The following C1orf105 variants were observed in gnomAD, a reference collection of about 807,000 sequenced individuals.
C1orf105 encodes the protein uncharacterized protein C1orf105.
Under a neutral mutation model 20.8 loss-of-function variants are expected in C1orf105, and 17 were observed. The observed-to-expected ratio is 0.82, with a 90% CI of 0.56 to 1.23. The LOEUF (loss-of-function observed/expected upper bound fraction) is 1.23, where lower values mean the gene tolerates loss of function less well. Among genes scored for constraint, C1orf105 ranks in the 50% most tolerant of loss-of-function variants. The pLI is 0.00. For missense variants in C1orf105, 219 were observed against 213.5 expected, an observed-to-expected ratio of 1.03 and a Z score of -0.16; for synonymous variants, 72 against 72.1, an observed-to-expected ratio of 1.00 and a Z score of 0.01.
chr1:172,453,516 G>C (rs763267428), intron 3 of C1orf105, among the ~76,000 whole-genome samples: 1 of 152,070 alleles, frequency 6.6e-6, no homozygotes. Flanking sequence ...TGTATTTTTC[G>C]TTTTATATAT....
chr1:172,449,609 C>T (rs909133243), intron 3 of C1orf105, among the ~76,000 whole-genome samples: 9 of 152,118 alleles, frequency 5.9e-5, no homozygotes, highest in African/African-American at 1.9e-4. Context: ...AACAAGGACG[C>T]GGCTGGGCCC....
chr1:172,462,751 GTGTTT>G (rs1224762140), intron 5 of C1orf105, among the ~76,000 whole-genome samples: 5 of 151,816 alleles, frequency 3.3e-5, no homozygotes, highest in African/African-American at 1.2e-4. Context: ...GTTTTTTTGT[GTGTTT>G]TGTTTTGTTT....
At chr1:172,442,309 C>T in intron 1 of C1orf105, 1 of 1,613,548 alleles carries the variant, frequency 6.2e-7, no homozygotes, top group Non-Finnish European at 8.5e-7. Flanking sequence ...CCCTTCACCT[C>T]CATCAATGAG....
At position 172,468,564 on chromosome 1, in the gene C1orf105, G is replaced by A; in HGVS notation, c.522G>A (p.Lys174=). 6.2e-7 allele frequency: 1 copy of A among 1,613,786 alleles called. No homozygotes were observed. Among genetic ancestry groups the A allele is most frequent in the Non-Finnish European group, 8.5e-7 (1 of 1,179,782 alleles). ...GACAACGTTCTTCCTTGCCCAGAAAGGAACCAATAGGCAAGACAACGAGGC... is the reference window on the plus strand; with the variant it reads ...GACAACGTTCTTCCTTGCCCAGAAAAGAACCAATAGGCAAGACAACGAGGC... ...KERQRSSLPR[K]EPIGKTTRQ is the part of the protein sequence containing the mutation. The change falls in exon 7 of 7, where the codon AAG becomes AAA. Residue 174 remains lysine (K), a synonymous_variant. Coordinates refer to ENST00000367727, the MANE Select transcript of C1orf105 (RefSeq NM_139240.4).
chr1:172,452,029 C>A (rs1036820072), intron 3 of C1orf105, among the ~76,000 whole-genome samples: 1 of 151,876 alleles, frequency 6.6e-6, no homozygotes, highest in African/African-American at 2.4e-5. Flanking sequence ...CATGCCACCA[C>A]GCCTGGCTAA....
rs558737666 is a variant in C1orf105 at position 172,462,360 on chromosome 1, G to T, written c.341+115G>T. 4 of 720,938 alleles carry T rather than the reference G, an allele frequency of 5.5e-6. No homozygotes were observed. In the South Asian group the frequency reaches 9.2e-5, roughly 17 times the overall value. The allele number at this position is 720,938 out of a possible 1,614,324, so 44.7% of individuals were successfully genotyped here. ...TGTTTAAGGAATGCTTAGGGAACAG[G>T]CTTCTTGACTGGTTTTATTTTTAGG... On this transcript the variant is annotated intron_variant, in intron 5 of 6. Transcript: ENST00000367727.
chr1:172,455,139 T>C (rs190456028), intron 3 of C1orf105, among the ~76,000 whole-genome samples: 5 of 152,314 alleles, frequency 3.3e-5, no homozygotes, highest in African/African-American at 1.2e-4. Context: ...TAGAATGCCC[T>C]ATAAAAATGA....
chr1:172,426,645 T>A (rs2071730892), intron 1 of C1orf105, among the ~76,000 whole-genome samples: 1 of 152,066 alleles, frequency 6.6e-6, no homozygotes, highest in African/African-American at 2.4e-5. Flanking sequence ...CAGCTACTCA[T>A]TTCCAAAATT....
intron 4 of C1orf105, among the ~76,000 whole-genome samples, chr1:172,458,670 C>A (rs1315154893): frequency 6.6e-6 from 1 of 152,072 alleles, no homozygotes; most frequent in Admixed American, 6.5e-5. Context: ...ATCCCAGATG[C>A]CATTTTTATA....
At chr1:172,467,914 C>A (rs1007925273) in intron 6 of C1orf105, among the ~76,000 whole-genome samples, 2 of 152,072 alleles carry the variant, frequency 1.3e-5, no homozygotes, top group Non-Finnish European at 2.9e-5. Flanking sequence ...TTTTAAATAA[C>A]CCTAAAATAA....
intron 1 of C1orf105, among the ~76,000 whole-genome samples, chr1:172,433,783 G>A (rs904690639): frequency 6.6e-6 from 1 of 152,140 alleles, no homozygotes; most frequent in Non-Finnish European, 1.5e-5. Flanking sequence ...TGGTCTAAAT[G>A]CCCCAATTAA....
chr1:172,452,738 ACCTTGG>A, intron 3 of C1orf105: 1 of 977,828 alleles, frequency 1.0e-6, no homozygotes, highest in Non-Finnish European at 1.2e-6. Flanking sequence ...TCTGCATCAT[ACCTTGG>A]CCAGGCTACA....
In C1orf105 at chr1:172,445,137, TAG is replaced by T. The variant is rs777888732; in HGVS notation, c.87_88del (p.Leu29PhefsTer37). ...GAGGCCAGCCTTGTAAACAAGCCAT[TAG>T]TGCTCAGCCTTCCCAGAAGGTAACC... On this transcript the variant is annotated frameshift_variant, in exon 2 of 7. Transcript: ENST00000367727. LOFTEE classifies it high-confidence loss of function. 13 of 1,612,916 alleles carry T rather than the reference TAG, an allele frequency of 8.1e-6. No homozygotes were observed. In the East Asian group the frequency reaches 2.9e-4, roughly 36 times the overall value.
chr1:172,465,926 T>A (rs1014675728), intron 6 of C1orf105, among the ~76,000 whole-genome samples: 1 of 152,214 alleles, frequency 6.6e-6, no homozygotes, highest in Admixed American at 6.5e-5. Context: ...CTGGTGAAGA[T>A]GGAGTGAGCC....
At chr1:172,465,978 G>A (rs972247797) in intron 6 of C1orf105, among the ~76,000 whole-genome samples, 2 of 152,194 alleles carry the variant, frequency 1.3e-5, no homozygotes, top group Admixed American at 1.3e-4. Context: ...CTGCAGCACA[G>A]GCTGTCACTT....
In C1orf105 at chr1:172,451,867, C is replaced by CTTTTT. The variant is rs11462736; in HGVS notation, c.198+3354_198+3358dup. Among the ~76,000 whole-genome samples, 655 of 85,162 alleles carry CTTTTT rather than the reference C, an allele frequency of 7.7e-3. 32 individuals carry two copies. Among genetic ancestry groups the CTTTTT allele is most frequent in the East Asian group, 0.014 (36 of 2,614 alleles). The allele number at this position is 85,162 out of a possible 152,430, so 55.9% of individuals were successfully genotyped here. Reference sequence around the variant, plus strand: ...AAATAATTCTGCCTTTATATGGATTCTTTTTTTTTTTTTTTTTTTTTTGAG... The same window carrying CTTTTT: ...AAATAATTCTGCCTTTATATGGATTCTTTTTTTTTTTTTTTTTTTTTTTTTTTGAG... On this transcript the variant is annotated intron_variant, in intron 3 of 6. Coordinates refer to ENST00000367727, the MANE Select transcript of C1orf105 (RefSeq NM_139240.4).
At chr1:172,420,943 T>C in intron 1 of C1orf105, 37 bp downstream of exon 1, 1 of 1,570,130 alleles carries the variant, frequency 6.4e-7, no homozygotes, top group Non-Finnish European at 8.8e-7. Flanking sequence ...AATTCTTTCC[T>C]TATGGGGTTA....
At chr1:172,455,741 A>T (rs1222734561) in intron 3 of C1orf105, among the ~76,000 whole-genome samples, 1 of 152,108 alleles carries the variant, frequency 6.6e-6, no homozygotes. Flanking sequence ...TTGCTTCTTC[A>T]CCTACTGAGA....
chr1:172,459,073 C>T (rs1365018859), intron 4 of C1orf105, among the ~76,000 whole-genome samples: 2 of 152,102 alleles, frequency 1.3e-5, no homozygotes, highest in Non-Finnish European at 2.9e-5. Context: ...AATGTAAGAC[C>T]TAAAACCATA....
Sources: gnomAD v4.1 joint callset for allele counts (sites outside exome capture counted in the v4.1 genomes callset) on GRCh38, gnomAD v4.1.1 for gene constraint, MANE v1.5 for transcripts, NCBI Gene and HGNC (gene_info 2026-07-23, HGNC 2026-07-21) for gene names.